The following GRIP1 variants were observed in gnomAD, a reference collection of about 807,000 sequenced individuals.
The protein encoded by GRIP1 is glutamate receptor interacting protein 1, also known as glutamate receptor-interacting protein 1.
Under a neutral mutation model 129.9 loss-of-function variants are expected in GRIP1, and 45 were observed. The observed-to-expected ratio is 0.35, with a 90% CI of 0.27 to 0.44. GRIP1 has a LOEUF of 0.44. Among genes scored for constraint, GRIP1 ranks in the 20% least tolerant of loss-of-function variants. GRIP1 has a pLI of 1.00. For missense variants in GRIP1, 1,196 were observed against 1,396.8 expected (o/e 0.86, Z 2.29); for synonymous variants, 530 against 520.8 (o/e 1.02, Z -0.24).
chr12:66,978,632 T>C (rs2042190882), intron 1 of GRIP1, among the ~76,000 whole-genome samples: 1 of 152,208 alleles, frequency 6.6e-6, no homozygotes, highest in Admixed American at 6.5e-5. Flanking sequence ...TCAGATTAGC[T>C]GTCTTCTTTT....
At chr12:67,063,474 T>A (rs1185506964) in intron 1 of GRIP1, among the ~76,000 whole-genome samples, 1 of 152,204 alleles carries the variant, frequency 6.6e-6, no homozygotes, top group East Asian at 1.9e-4. Flanking sequence ...GTAGATTTTT[T>A]ATATTTATAT....
At chr12:66,758,218 G>A (rs1013057698) in intron 1 of GRIP1, among the ~76,000 whole-genome samples, 1 of 152,146 alleles carries the variant, frequency 6.6e-6, no homozygotes, top group Non-Finnish European at 1.5e-5. Context: ...GGAGGCCTCA[G>A]AATTATGGTG....
At chr12:66,622,781 C>T (rs2065332273) in intron 1 of GRIP1, among the ~76,000 whole-genome samples, 1 of 152,090 alleles carries the variant, frequency 6.6e-6, no homozygotes, top group African/African-American at 2.4e-5. Context: ...CCTATACCTG[C>T]CTTACTCATA....
chr12:66,657,512 T>G (rs2033236008), intron 1 of GRIP1, among the ~76,000 whole-genome samples: 2 of 152,246 alleles, frequency 1.3e-5, no homozygotes, highest in African/African-American at 2.4e-5. Flanking sequence ...AATCATCATC[T>G]TAGATAAAAT....
At chr12:67,040,223 C>A (rs994907868) in intron 1 of GRIP1, among the ~76,000 whole-genome samples, 8 of 129,392 alleles carry the variant, frequency 6.2e-5, no homozygotes, top group African/African-American at 2.0e-4. Flanking sequence ...ACCCCCACCC[C>A]CCCAGCAAAG....
chr12:66,808,307 GT>G (rs1214763173), upstream of GRIP1, among the ~76,000 whole-genome samples: 1 of 151,816 alleles, frequency 6.6e-6, no homozygotes, highest in East Asian at 1.9e-4. Flanking sequence ...TTGTTTTTTT[GT>G]TTTTTTGGAG....
intron 1 of GRIP1, among the ~76,000 whole-genome samples, chr12:66,977,807 ATTTTTTTTTTTTTTTTT>A (rs200381983): frequency 5.0e-5 from 3 of 60,274 alleles, no homozygotes; most frequent in East Asian, 4.9e-4. Context: ...AGAGCTGAGC[ATTTTTTTTTTTTTTTTT>A]TTTTTTTTTT....
At chr12:66,793,476 C>T (rs1013704792) in intron 1 of GRIP1, among the ~76,000 whole-genome samples, 5 of 152,150 alleles carry the variant, frequency 3.3e-5, no homozygotes, top group African/African-American at 4.8e-5. Context: ...AACAAAGTCA[C>T]ACTAGAGTGT....
chr12:66,372,032 C>A, intron 22 of GRIP1, 105 bp from the exon 23 acceptor site: 1 of 766,926 alleles, frequency 1.3e-6, no homozygotes, highest in Non-Finnish European at 2.3e-6. Flanking sequence ...AAAATACAGT[C>A]TCTTCAGGGC....
At chr12:67,003,476 G>A (rs1165923717) in intron 1 of GRIP1, among the ~76,000 whole-genome samples, 1 of 152,072 alleles carries the variant, frequency 6.6e-6, no homozygotes, top group Non-Finnish European at 1.5e-5. Context: ...CAGATTGCCT[G>A]AGCTCAGGAG....
chr12:66,849,569 T>G (rs1300978708), intron 1 of GRIP1, among the ~76,000 whole-genome samples: 4 of 152,084 alleles, frequency 2.6e-5, no homozygotes, highest in African/African-American at 9.7e-5. Flanking sequence ...TGAGCTGTGT[T>G]TGTGCCACTA....
chr12:67,032,117 T>C (rs747695456), intron 1 of GRIP1, among the ~76,000 whole-genome samples: 1 of 152,220 alleles, frequency 6.6e-6, no homozygotes, highest in African/African-American at 2.4e-5. Flanking sequence ...TTGAAATCTA[T>C]AGGCTTTTCG....
chr12:66,579,797 T>C (rs1442006732), intron 2 of GRIP1, among the ~76,000 whole-genome samples: 2 of 151,350 alleles, frequency 1.3e-5, no homozygotes, highest in Non-Finnish European at 2.9e-5. Flanking sequence ...TCCGTGAAAG[T>C]GACGGGGAGA....
chr12:66,563,217 G>T (rs1030974363), intron 2 of GRIP1, among the ~76,000 whole-genome samples: 10 of 151,874 alleles, frequency 6.6e-5, no homozygotes, highest in Non-Finnish European at 1.3e-4. Context: ...CCAACATATG[G>T]ACTGTATATA....
chr12:66,818,049 A>G (rs976148376), intron 1 of GRIP1, among the ~76,000 whole-genome samples: 2 of 152,240 alleles, frequency 1.3e-5, no homozygotes, highest in Non-Finnish European at 2.9e-5. Context: ...AGGATTCAAC[A>G]TTAAATATTA....
intron 1 of GRIP1, among the ~76,000 whole-genome samples, chr12:66,757,224 T>C (rs1329363963): frequency 6.6e-6 from 1 of 152,098 alleles, no homozygotes; most frequent in African/African-American, 2.4e-5. Flanking sequence ...CCGTTAGCCA[T>C]CCCTCCTCTC....
In GRIP1 at chr12:67,040,173, G is replaced by T. The variant is rs1053037845; in HGVS notation, c.58+28877C>A. Among the ~76,000 whole-genome samples the T allele has an allele frequency of 2.0e-5, 3 of 152,142 alleles. No homozygotes were observed. The South Asian group carries it at 6.2e-4, about 32-fold the overall frequency. On this transcript the variant is annotated intron_variant, in intron 1 of 1. Transcript: ENST00000643019. ...TGGTTATTAGCTGAGTTCCAGAGTA[G>T]AGAGATAATCATAGTGCCTGCAGAT... is the stretch of plus-strand genomic sequence containing the variant.
chr12:66,436,304 C>G (rs1425973677), intron 13 of GRIP1, among the ~76,000 whole-genome samples: 1 of 152,086 alleles, frequency 6.6e-6, no homozygotes, highest in South Asian at 2.1e-4. Context: ...TTAACTCCCA[C>G]CAATGCAGAG....
chr12:67,005,322 C>T (rs2042610896), intron 1 of GRIP1, among the ~76,000 whole-genome samples: 1 of 152,174 alleles, frequency 6.6e-6, no homozygotes, highest in Admixed American at 6.5e-5. Context: ...TTCCAGCCAT[C>T]ACAGATATGT....
Sources: gnomAD v4.1 joint callset for allele counts (sites outside exome capture counted in the v4.1 genomes callset) on GRCh38, gnomAD v4.1.1 for gene constraint, MANE v1.5 for transcripts, NCBI Gene and HGNC (gene_info 2026-07-23, HGNC 2026-07-21) for gene names.